Variants in FBN2 observed in about 807,000 individuals in gnomAD.
FBN2 encodes the protein fibrillin 2.
A neutral mutation model predicts 355.6 loss-of-function variants in FBN2; 105 were observed. The observed-to-expected ratio is 0.30, with a 90% CI of 0.25 to 0.35. The LOEUF (loss-of-function observed/expected upper bound fraction) is 0.35. FBN2 is among the 10% of genes least tolerant of loss of function. The pLI, the probability that FBN2 is intolerant of heterozygous loss-of-function variation, is 1.00. For synonymous variants in FBN2, 1,350 were observed against 1,301.2 expected, an observed-to-expected ratio of 1.04 and a Z score of -0.81; for missense variants, 3,280 against 3,758.7, an observed-to-expected ratio of 0.87 and a Z score of 3.33.
intron 6 of FBN2, among the ~76,000 whole-genome samples, chr5:128,458,335 C>T (rs1754460439): frequency 6.6e-6 from 1 of 151,926 alleles, no homozygotes; most frequent in African/African-American, 2.4e-5. Flanking sequence ...TATAAAGAGA[C>T]TTAGACTTCC....
At chr5:128,348,487 A>G (rs1172270161) in intron 23 of FBN2, among the ~76,000 whole-genome samples, 2 of 152,038 alleles carry the variant, frequency 1.3e-5, no homozygotes, top group Non-Finnish European at 2.9e-5. Context: ...TGTTTTAATT[A>G]TAATAACTGT....
In FBN2 at chr5:128,277,860, A is replaced by G. The variant is rs373360372; in HGVS notation, c.7471+20T>C. The G allele has an allele frequency of 1.2e-6, 2 of 1,613,880 alleles. No homozygotes were observed. The highest frequency in any genetic ancestry group is 8.5e-7 in the Non-Finnish European group (1 of 1,179,888). On this transcript the variant is annotated intron_variant, in intron 58 of 64. Coordinates refer to ENST00000262464, the MANE Select transcript of FBN2 (RefSeq NM_001999.4). ...CTGATTAGCCCCCAAACCCCTGGAT[A>G]TAGAGGTGCCCATCGTTACCTATAC...
chr5:128,340,678 T>G (rs766674867), intron 25 of FBN2, among the ~76,000 whole-genome samples: 4 of 152,176 alleles, frequency 2.6e-5, no homozygotes, highest in Non-Finnish European at 5.9e-5. Context: ...GAACAGGGCC[T>G]TGGGAAAATC....
chr5:128,339,721 C>T (rs1249565653), intron 25 of FBN2, among the ~76,000 whole-genome samples: 2 of 152,190 alleles, frequency 1.3e-5, no homozygotes, highest in African/African-American at 2.4e-5. Flanking sequence ...GACTGGAAGA[C>T]AGTGCTGGTC....
chr5:128,360,382 A>G (rs1202929730), intron 19 of FBN2, among the ~76,000 whole-genome samples: 1 of 152,106 alleles, frequency 6.6e-6, no homozygotes, highest in Admixed American at 6.6e-5. Flanking sequence ...CTATTGAAAG[A>G]TATTTCAAAC....
At chr5:128,305,164 C>A in intron 44 of FBN2, 82 bp from the exon 45 acceptor site, 1 of 1,225,556 alleles carries the variant, frequency 8.2e-7, no homozygotes, top group Non-Finnish European at 1.2e-6. Flanking sequence ...TTTCTCTAAT[C>A]TGCTATTAAT....
At position 128,376,850 on chromosome 5, in the gene FBN2, T is replaced by C. The variant is rs1456118740; in HGVS notation, c.1853A>G (p.His618Arg). ...CATGTTGGTAGTTGTACATTCATCA[T>C]GATCTGCAGAAGAGGATTGAGTGAC... ...LTTDGKNCVD[H>R]DECTTTNMCL... The change falls in exon 14 of 65, where the codon CAT (histidine) becomes CGT (arginine). Residue 618 changes from histidine to arginine, a missense_variant. This residue lies in a region of FBN2 where 2,284 missense variants were observed against 2,749.5 expected (regional missense o/e 0.83). Coordinates refer to ENST00000262464, the MANE Select transcript of FBN2 (RefSeq NM_001999.4). 1.9e-6 allele frequency: 3 copies of C among 1,613,120 alleles called. No individual in the cohort carries two copies. The highest frequency in any genetic ancestry group is 1.7e-6 in the Non-Finnish European group (2 of 1,179,532).
intron 48 of FBN2, among the ~76,000 whole-genome samples, chr5:128,297,923 TC>T (rs1749574586): frequency 6.6e-6 from 1 of 151,946 alleles, no homozygotes; most frequent in Admixed American, 6.6e-5. Context: ...TGCAGTTTCT[TC>T]CTAGTCTCGA....
chr5:128,447,259 G>A (rs1754091269), intron 6 of FBN2, among the ~76,000 whole-genome samples: 2 of 152,194 alleles, frequency 1.3e-5, no homozygotes, highest in South Asian at 4.1e-4. Context: ...GGCTGCCTGA[G>A]AGCTGGGTGG....
At chr5:128,382,850 A>G (rs942382700) in intron 11 of FBN2, among the ~76,000 whole-genome samples, 3 of 152,072 alleles carry the variant, frequency 2.0e-5, no homozygotes, top group Admixed American at 2.0e-4. Context: ...TTATATAAAA[A>G]TTTACTAGCT....
At position 128,464,793 on chromosome 5, in the gene FBN2, T is replaced by C. The variant is rs372135493; in HGVS notation, c.757A>G (p.Met253Val). ...CAGGGCTGAGGCTGGGCTGGACACA[T>C]CTCACAGGGATGGCCCCACGCCCGT... ...IGRAWGHPCE[M>V]CPAQPQPCRR... The change falls in exon 6 of 65, where the codon ATG becomes GTG. Residue 253 changes from methionine (M) to valine (V), a missense_variant. Transcript: ENST00000262464. 2 of 1,614,092 alleles carry C rather than the reference T, an allele frequency of 1.2e-6. No homozygotes were observed. Among genetic ancestry groups the C allele is most frequent in the African/African-American group, 2.7e-5 (2 of 74,942 alleles).
chr5:128,421,822 A>G (rs745617231), intron 7 of FBN2, among the ~76,000 whole-genome samples: 1 of 152,208 alleles, frequency 6.6e-6, no homozygotes, highest in African/African-American at 2.4e-5. Flanking sequence ...ATAGCCACCC[A>G]ATGATATCAT....
At chr5:128,315,664 A>G (rs1581210612) in intron 36 of FBN2, among the ~76,000 whole-genome samples, 1 of 152,172 alleles carries the variant, frequency 6.6e-6, no homozygotes, top group African/African-American at 2.4e-5. Flanking sequence ...TTTTATACAT[A>G]CCTGCCTTTA....
chr5:128,402,314 T>C (rs534265294), intron 8 of FBN2, among the ~76,000 whole-genome samples: 1 of 152,286 alleles, frequency 6.6e-6, no homozygotes, highest in South Asian at 2.1e-4. Context: ...TGTTTAACTG[T>C]AGAACCAATG....
chr5:128,386,606 T>G (rs1431816909), intron 11 of FBN2, among the ~76,000 whole-genome samples: 1 of 152,198 alleles, frequency 6.6e-6, no homozygotes, highest in East Asian at 1.9e-4. Flanking sequence ...GTAAATTGCT[T>G]TGAGCACTAT....
chr5:128,349,144 T>A (rs559503231), intron 23 of FBN2, among the ~76,000 whole-genome samples: 2 of 152,320 alleles, frequency 1.3e-5, no homozygotes, highest in African/African-American at 2.4e-5. Context: ...TTTTGAGCAG[T>A]CCCAACTTTT....
At chr5:128,280,380 T>A in intron 55 of FBN2, 63 bp from the exon 56 acceptor site, 1 of 1,258,698 alleles carries the variant, frequency 7.9e-7, no homozygotes, top group Middle Eastern at 1.9e-4. Flanking sequence ...ACAAGCTATC[T>A]TCTAATGGGT....
At chr5:128,530,359 C>T (rs1756670732) in intron 3 of FBN2, among the ~76,000 whole-genome samples, 1 of 152,196 alleles carries the variant, frequency 6.6e-6, no homozygotes, top group African/African-American at 2.4e-5. Flanking sequence ...AGACTATACA[C>T]TTAGGCATCA....
At chr5:128,482,989 T>G (rs968282964) in intron 5 of FBN2, among the ~76,000 whole-genome samples, 1 of 152,138 alleles carries the variant, frequency 6.6e-6, no homozygotes, top group Non-Finnish European at 1.5e-5. Flanking sequence ...ATGGTACATA[T>G]ACATCATGAA....
Sources: gnomAD v4.1 joint callset for allele counts (sites outside exome capture counted in the v4.1 genomes callset) on GRCh38, gnomAD v4.1.1 for gene constraint, gnomAD v4.1.1 regional missense constraint, MANE v1.5 for transcripts, NCBI Gene and HGNC (gene_info 2026-07-23, HGNC 2026-07-21) for gene names.